Variants in ABCC4 observed in about 807,000 individuals in gnomAD.
The protein encoded by ABCC4 is ATP binding cassette subfamily C member 4 (PEL blood group).
Under a neutral mutation model 168.5 loss-of-function variants are expected in ABCC4, and 102 were observed. The observed-to-expected ratio is 0.61, with a 90% CI of 0.52 to 0.71. The LOEUF (loss-of-function observed/expected upper bound fraction) is 0.71. Ranked by LOEUF, ABCC4 falls within the 30% of genes least tolerant of loss-of-function variation. The pLI is 0.00. For synonymous variants in ABCC4, 617 were observed against 590.7 expected, an observed-to-expected ratio of 1.04 and a Z score of -0.65; for missense variants, 1,402 against 1,605.8, an observed-to-expected ratio of 0.87 and a Z score of 2.17.
At chr13:95,108,644 T>G (rs898628468) in intron 20 of ABCC4, among the ~76,000 whole-genome samples, 1 of 151,260 alleles carries the variant, frequency 6.6e-6, no homozygotes, top group Non-Finnish European at 1.5e-5. Flanking sequence ...CTATTTTCTT[T>G]TTTTTTTTTT....
At position 95,186,886 on chromosome 13, in the gene ABCC4, G is replaced by C; in HGVS notation, c.1360C>G (p.Leu454Val). Reference protein sequence around the residue: ...VGPVGAGKSSLLSAVLGELAP... With the variant: ...VGPVGAGKSSVLSAVLGELAP... ...AATTCCCCGAGCACGGCACTTAACAGTGATGACTGAAACAGATTGTAAAAA... is the reference window on the plus strand; with the variant it reads ...AATTCCCCGAGCACGGCACTTAACACTGATGACTGAAACAGATTGTAAAAA... Residue 454 changes from leucine (L) to valine (V), a missense_variant, in exon 11 of 31, where the codon CTG becomes GTG. By Grantham distance (32) the Leu-to-Val change is conservative. This residue lies in a region of ABCC4 where 1,007 missense variants were observed against 1,127.3 expected (regional missense o/e 0.89). Transcript: ENST00000645237. 1.2e-6 allele frequency: 2 copies of C among 1,608,480 alleles called. No homozygotes were observed. Among genetic ancestry groups the C allele is most frequent in the Non-Finnish European group, 8.5e-7 (1 of 1,177,518 alleles).
chr13:95,157,230 C>A (rs1594199554), intron 19 of ABCC4, among the ~76,000 whole-genome samples: 1 of 152,070 alleles, frequency 6.6e-6, no homozygotes, highest in East Asian at 1.9e-4. Context: ...AGCATGGTTG[C>A]CCCTCAGACC....
At chr13:95,078,544 C>T (rs529351676) in intron 21 of ABCC4, among the ~76,000 whole-genome samples, 72 of 152,152 alleles carry the variant, frequency 4.7e-4, no homozygotes, top group Non-Finnish European at 7.9e-4. Flanking sequence ...GTGACATGAC[C>T]GTAAGAGGAC....
Position 95,085,884 on chromosome 13 carries a change from C to T in ABCC4, c.2536-2594G>A, listed in dbSNP as rs528510270. Among the ~76,000 whole-genome samples, 16 of 152,306 alleles carry T rather than the reference C, an allele frequency of 1.1e-4. No homozygotes were observed. In the East Asian group the frequency reaches 1.3e-3, roughly 13 times the overall value. On this transcript the variant is annotated intron_variant, in intron 20 of 30. Coordinates refer to ENST00000645237, the MANE Select transcript of ABCC4 (RefSeq NM_005845.5). ...TAGGAGGGATTATCATCTCCATTTA[C>T]ACAGGAGGAAACTGAGTCTCAGAGA... is the stretch of plus-strand genomic sequence containing the variant.
chr13:95,211,615 G>C (rs1213735956), intron 4 of ABCC4, among the ~76,000 whole-genome samples: 1 of 151,906 alleles, frequency 6.6e-6, no homozygotes, highest in Non-Finnish European at 1.5e-5. Context: ...TATGGAAATG[G>C]GGCTGAAGCA....
At chr13:95,124,611 G>C (rs922637160) in intron 19 of ABCC4, among the ~76,000 whole-genome samples, 1 of 140,818 alleles carries the variant, frequency 7.1e-6, no homozygotes, top group South Asian at 2.3e-4. Context: ...GCTCATGCCT[G>C]TAATTCCAGC....
At position 95,161,307 on chromosome 13, in the gene ABCC4, G is replaced by T; in HGVS notation, c.2337C>A (p.Gly779=). The T allele has an allele frequency of 1.9e-6, 3 of 1,594,270 alleles. No individual in the cohort carries two copies. The South Asian group carries it at 3.5e-5, about 18-fold the overall frequency. ...SGLTVATVLF[G]IARSLLVFYV... Reference sequence around the variant, plus strand: ...AGAATACCAATAGAGATCTTGCTATGCCAAAAAGAACGGTAGCTACAGTTA... The same window carrying T: ...AGAATACCAATAGAGATCTTGCTATTCCAAAAAGAACGGTAGCTACAGTTA... Residue 779 remains glycine (G), a synonymous_variant, in exon 19 of 31, where the codon GGC becomes GGA. Coordinates refer to ENST00000645237, the MANE Select transcript of ABCC4 (RefSeq NM_005845.5).
chr13:95,269,646 C>T (rs1173884677), intron 1 of ABCC4, among the ~76,000 whole-genome samples: 2 of 151,902 alleles, frequency 1.3e-5, no homozygotes, highest in Non-Finnish European at 2.9e-5. Context: ...TTATTATCCA[C>T]GTTACACATT....
intron 29 of ABCC4, among the ~76,000 whole-genome samples, chr13:95,040,518 G>A (rs551594438): frequency 5.3e-5 from 8 of 152,294 alleles, no homozygotes; most frequent in African/African-American, 1.9e-4. Flanking sequence ...TTACAGGCAT[G>A]AGCCACCGCG....
intron 1 of ABCC4, among the ~76,000 whole-genome samples, chr13:95,268,722 C>T (rs2040754127): frequency 6.6e-6 from 1 of 152,138 alleles, no homozygotes; most frequent in Non-Finnish European, 1.5e-5. Context: ...GACACAGAGA[C>T]ATTTGTTCAC....
At chr13:95,051,311 A>C (rs2032819989) in intron 27 of ABCC4, among the ~76,000 whole-genome samples, 2 of 152,202 alleles carry the variant, frequency 1.3e-5, no homozygotes, top group African/African-American at 4.8e-5. Flanking sequence ...CCCATCTATA[A>C]ATTAAAGATT....
chr13:95,140,352 G>T (rs1436213080), intron 19 of ABCC4, among the ~76,000 whole-genome samples: 1 of 152,182 alleles, frequency 6.6e-6, no homozygotes, highest in Non-Finnish European at 1.5e-5. Context: ...ATTTGCAAGT[G>T]CATTAAAACC....
At chr13:95,218,929 GAAAGAAAGAAAGAA>G (rs1198591037) in intron 4 of ABCC4, among the ~76,000 whole-genome samples, 1,745 of 19,660 alleles carry the variant, frequency 0.089, 136 homozygotes, top group African/African-American at 0.23. Flanking sequence ...GAAAGAAAGA[GAAAGAAAGAAAGAA>G]AGAAAGAAAG....
At chr13:95,042,286 C>T (rs1478783018) in intron 29 of ABCC4, among the ~76,000 whole-genome samples, 1 of 152,216 alleles carries the variant, frequency 6.6e-6, no homozygotes, top group African/African-American at 2.4e-5. Context: ...CACATTCAAT[C>T]CATCACAGTC....
At chr13:95,225,048 T>C (rs7338998) in intron 4 of ABCC4, among the ~76,000 whole-genome samples, 151,835 of 152,080 alleles carry the variant, frequency 1, 75,795 homozygotes, top group Non-Finnish European at 1. Context: ...AAGTTCATGA[T>C]TAAGGAGAAA....
intron 14 of ABCC4, among the ~76,000 whole-genome samples, chr13:95,169,628 G>A (rs114455647): frequency 0.015 from 2,298 of 152,154 alleles, 70 homozygotes; most frequent in African/African-American, 0.052. Flanking sequence ...AAGTCCCAGC[G>A]AGGCAACCCC....
intron 1 of ABCC4, among the ~76,000 whole-genome samples, chr13:95,258,721 G>C (rs1432173149): frequency 4.6e-5 from 7 of 152,158 alleles, no homozygotes; most frequent in African/African-American, 1.7e-4. Context: ...CAGCAGCAGA[G>C]AACACCCACA....
intron 1 of ABCC4, 96 bp downstream of exon 1, chr13:95,301,145 C>T (rs2041669191): frequency 2.5e-6 from 3 of 1,204,480 alleles, no homozygotes; most frequent in Admixed American, 2.6e-5. Context: ...CGCCCCCAGC[C>T]GCAGAGGGCT....
At chr13:95,120,620 G>A (rs2035537038) in intron 19 of ABCC4, among the ~76,000 whole-genome samples, 1 of 151,456 alleles carries the variant, frequency 6.6e-6, no homozygotes, top group African/African-American at 2.4e-5. Flanking sequence ...GCAGAGAATT[G>A]GAAGCCAGAA....
Sources: allele counts gnomAD v4.1 joint callset (sites outside exome capture counted in the v4.1 genomes callset), GRCh38; gene constraint gnomAD v4.1.1; regional missense constraint gnomAD v4.1.1; transcripts MANE v1.5; gene names NCBI Gene and HGNC (gene_info 2026-07-23, HGNC 2026-07-21).